Variants in NLGN4X observed in about 807,000 individuals in gnomAD.
NLGN4X encodes the protein neuroligin 4 X-linked.
A neutral mutation model predicts 40.3 loss-of-function variants in NLGN4X; 3 were observed. The ratio of observed to expected loss-of-function variants is 0.07; its 90% CI spans 0.03 to 0.19. The LOEUF is 0.19. NLGN4X is among the 10% of genes least tolerant of loss of function. The pLI, the probability that NLGN4X is intolerant of heterozygous loss-of-function variation, is 1.00. For synonymous variants in NLGN4X, 270 were observed against 306.8 expected (o/e 0.88, Z 1.25); for missense variants, 382 against 708.3 (o/e 0.54, Z 5.23).
At position 5,892,332 on chromosome X, in the gene NLGN4X, A is replaced by G. The variant is rs2031220422; in HGVS notation, c.*485T>C. On this transcript the variant is annotated 3_prime_UTR_variant, in exon 6 of 6. Transcript: ENST00000381095. ...TTCCTTCTCTCTGGATTACAGCTCC[A>G]TGTGCTGGGCAAAATCTCATTGACT... 1 of 172,308 alleles carries G rather than the reference A, an allele frequency of 5.8e-6. No homozygotes were observed. Among genetic ancestry groups the G allele is most frequent in the Non-Finnish European group, 1.1e-5 (1 of 91,111 alleles). 14.2% of individuals were successfully genotyped at this position (172,308 alleles called of 1,213,427 possible). A position where few individuals can be genotyped will look rare whatever the true frequency, so the allele number is the denominator to read the frequency against.
intron 1 of NLGN4X, among the ~76,000 whole-genome samples, chrX:6,192,936 C>G (rs981077769): frequency 9.0e-6 from 1 of 111,615 alleles, no homozygotes; most frequent in African/African-American, 3.3e-5. Context: ...GTGAGCCTCC[C>G]ATACAACCCT....
chrX:5,983,668 T>C (rs1477800890), intron 3 of NLGN4X, among the ~76,000 whole-genome samples: 2 of 112,041 alleles, frequency 1.8e-5, no homozygotes, highest in Non-Finnish European at 3.8e-5. Context: ...CCGGGTGCAG[T>C]GGCCCACACC....
intron 2 of NLGN4X, among the ~76,000 whole-genome samples, chrX:6,037,664 GT>G (rs1271006850): frequency 1.1e-5 from 1 of 94,730 alleles, no homozygotes; most frequent in Non-Finnish European, 2.0e-5. Context: ...AGTGGGCAAG[GT>G]TAATTTTCAA....
intron 3 of NLGN4X, among the ~76,000 whole-genome samples, chrX:5,945,255 G>C (rs754406445): frequency 9.0e-6 from 1 of 111,456 alleles, no homozygotes; most frequent in South Asian, 3.8e-4. Flanking sequence ...AGAAAAGATG[G>C]ATGGGACAGG....
At chrX:6,184,547 G>C (rs1921819824) in intron 1 of NLGN4X, among the ~76,000 whole-genome samples, 2 of 106,533 alleles carry the variant, frequency 1.9e-5, no homozygotes, top group African/African-American at 7.2e-5. Flanking sequence ...TGCTGGGGGG[G>C]GTGGGGAATC....
At chrX:6,064,490 A>G (rs936926721) in intron 2 of NLGN4X, among the ~76,000 whole-genome samples, 1 of 111,887 alleles carries the variant, frequency 8.9e-6, no homozygotes, top group Non-Finnish European at 1.9e-5. Context: ...ATCTCACTTT[A>G]AAACCATGTA....
intron 2 of NLGN4X, among the ~76,000 whole-genome samples, chrX:6,143,842 G>C (rs1569263463): frequency 8.9e-6 from 1 of 112,268 alleles, no homozygotes; most frequent in Non-Finnish European, 1.9e-5. Flanking sequence ...AAACTAGCCA[G>C]TCATGGTGGC....
At chrX:5,923,267 A>C (rs1013586231) in intron 3 of NLGN4X, among the ~76,000 whole-genome samples, 1 of 112,160 alleles carries the variant, frequency 8.9e-6, no homozygotes, top group Non-Finnish European at 1.9e-5. Flanking sequence ...AGTGTCCCCA[A>C]GTAGCTGGGA....
chrX:6,069,910 T>C (rs7891885), intron 2 of NLGN4X, among the ~76,000 whole-genome samples: 4,760 of 111,733 alleles, frequency 0.043, 222 homozygotes, highest in African/African-American at 0.13. Flanking sequence ...TCATAGAATG[T>C]TGTAATCCTG....
chrX:6,187,832 A>G (rs946033418), intron 1 of NLGN4X: 2 of 112,024 alleles, frequency 1.8e-5, no homozygotes, highest in African/African-American at 6.5e-5. Context: ...CAGAATGGGA[A>G]AACTGAAACT....
intron 1 of NLGN4X, among the ~76,000 whole-genome samples, chrX:6,189,048 A>G (rs1224952846): frequency 8.9e-6 from 1 of 112,723 alleles, no homozygotes; most frequent in Non-Finnish European, 1.9e-5. Context: ...CACATTCTTC[A>G]TAGTGAAAAG....
At chrX:5,900,715 C>T (rs1402567097) in intron 5 of NLGN4X, among the ~76,000 whole-genome samples, 4 of 107,699 alleles carry the variant, frequency 3.7e-5, no homozygotes, top group Non-Finnish European at 5.8e-5. Context: ...CTGAGACTCT[C>T]GGCATATGCT....
At chrX:5,894,952 A>G (rs1184856913) in intron 5 of NLGN4X, among the ~76,000 whole-genome samples, 1 of 112,420 alleles carries the variant, frequency 8.9e-6, no homozygotes. Flanking sequence ...GCTAAGGGCT[A>G]TCTTCCAGGT....
At chrX:6,020,529 G>A (rs1257917207) in intron 3 of NLGN4X, among the ~76,000 whole-genome samples, 1 of 111,928 alleles carries the variant, frequency 8.9e-6, no homozygotes, top group Non-Finnish European at 1.9e-5. Context: ...CAAAAGATCT[G>A]TTCAATATGG....
At chrX:6,207,901 C>T (rs761474403) in intron 1 of NLGN4X, among the ~76,000 whole-genome samples, 19 of 111,530 alleles carry the variant, frequency 1.7e-4, no homozygotes, top group Admixed American at 2.9e-4. Context: ...TTGGGGTTGG[C>T]GACATTAATT....
intron 2 of NLGN4X, among the ~76,000 whole-genome samples, chrX:6,072,268 T>G (rs1047590673): frequency 4.5e-5 from 5 of 111,118 alleles, no homozygotes; most frequent in Non-Finnish European, 3.8e-5. Context: ...CATATGAGAT[T>G]TGGAATTTTG....
At chrX:6,040,937 C>A (rs1320811009) in intron 2 of NLGN4X, among the ~76,000 whole-genome samples, 1 of 111,166 alleles carries the variant, frequency 9.0e-6, no homozygotes, top group African/African-American at 3.3e-5. Context: ...TTCATGATCC[C>A]CCCCAAAAAA....
chrX:6,192,686 C>T (rs768625401), intron 1 of NLGN4X, among the ~76,000 whole-genome samples: 73 of 111,269 alleles, frequency 6.6e-4, no homozygotes, highest in Non-Finnish European at 1.1e-3. Context: ...CACATGTTTC[C>T]CATAAGTGTG....
chrX:5,903,319 G>A lies in NLGN4X; in HGVS notation c.1359C>T (p.Ala453=), dbSNP rs979110240. The A allele has an allele frequency of 5.0e-6, 6 of 1,211,561 alleles. No homozygotes were observed. The highest frequency in any genetic ancestry group is 1.8e-5 in the South Asian group (1 of 56,939). Residue 453 remains alanine (A), a synonymous_variant, in exon 5 of 6, where the codon GCC becomes GCT. Coordinates refer to ENST00000381095, the MANE Select transcript of NLGN4X (RefSeq NM_181332.3). ...GCGCGTGCAGGTCGGCGGTGGCCAC[G>A]GCGGGGGCCACCCACTGGTGGTCAG... The part of the protein sequence containing the change: ...LFTDHQWVAP[A]VATADLHAQY...
Sources: allele counts gnomAD v4.1 joint callset (sites outside exome capture counted in the v4.1 genomes callset), GRCh38; gene constraint gnomAD v4.1.1; transcripts MANE v1.5; gene names NCBI Gene and HGNC (gene_info 2026-07-23, HGNC 2026-07-21).